GLIS3: variants seen among roughly 807,000 people sequenced by gnomAD.
The protein encoded by GLIS3 is GLIS family zinc finger 3.
Under a neutral mutation model 78.6 loss-of-function variants are expected in GLIS3, and 53 were observed. That is an observed-to-expected ratio of 0.67 (90% CI 0.54 to 0.85). The LOEUF is 0.85. GLIS3 is among the 40% of genes least tolerant of loss of function. GLIS3 has a pLI of 0.00. For synonymous variants in GLIS3, 684 were observed against 509.9 expected, an observed-to-expected ratio of 1.34 and a Z score of -4.60; for missense variants, 1,703 against 1,231.1, an observed-to-expected ratio of 1.38 and a Z score of -5.74.
chr9:3,921,845 A>G (rs1214700883), intron 6 of GLIS3, among the ~76,000 whole-genome samples: 1 of 152,088 alleles, frequency 6.6e-6, no homozygotes, highest in Non-Finnish European at 1.5e-5. Context: ...TGGTTAATAA[A>G]TTTTGAATAA....
the GLIS3 span, among the ~76,000 whole-genome samples, chr9:4,474,387 A>G: frequency 6.6e-6 from 1 of 152,194 alleles, no homozygotes; most frequent in Admixed American, 6.5e-5. Context: ...AGACGCAGAC[A>G]CACAAATAGA....
chr9:4,396,040 G>A, the GLIS3 span, among the ~76,000 whole-genome samples: 6 of 151,538 alleles, frequency 4.0e-5, no homozygotes, highest in East Asian at 1.9e-4. Context: ...CCAAAGTGCT[G>A]GGATTACAGG....
chr9:4,385,747 AAGAAAGAAAGAAAGAAAG>A, the GLIS3 span, among the ~76,000 whole-genome samples: 1 of 60,654 alleles, frequency 1.6e-5, no homozygotes. Context: ...AAAAGAAAGA[AAGAAAGAAAGAAAGAAAG>A]AAAGAAAGAA....
intron 7 of GLIS3, among the ~76,000 whole-genome samples, chr9:3,889,270 G>T (rs971195722): frequency 6.6e-6 from 1 of 152,154 alleles, no homozygotes; most frequent in African/African-American, 2.4e-5. Context: ...GCTTCTGCAG[G>T]TGTCTTCTTG....
At chr9:4,334,904 C>CTTTTTTTTT (rs56017714) in intron 2 of GLIS3, among the ~76,000 whole-genome samples, 1 of 107,018 alleles carries the variant, frequency 9.3e-6, no homozygotes, top group Admixed American at 1.2e-4. Context: ...TCATTTCCAC[C>CTTTTTTTTT]TTTTTTTTTT....
At chr9:4,300,907 T>C (rs552042696), upstream of GLIS3, among the ~76,000 whole-genome samples, 36 of 152,224 alleles carry the variant, frequency 2.4e-4, no homozygotes, top group African/African-American at 7.9e-4. Flanking sequence ...TTATTCACCA[T>C]CATGAATGAA....
chr9:4,005,833 G>C lies in GLIS3; in HGVS notation c.1711-68644C>G, dbSNP rs192250380. 5.2e-4 allele frequency among the ~76,000 whole-genome samples: 79 copies of C among 152,278 alleles called. 1 individual carries two copies. The East Asian group carries it at 0.014, about 27-fold the overall frequency. On this transcript the variant is annotated intron_variant, in intron 4 of 10. Transcript: ENST00000381971. ...ATCTACATGAGTGGCTTGCCCAGAAGAGAATGAAAAAACATTTGTTAGGCA... is the reference window on the plus strand; with the variant it reads ...ATCTACATGAGTGGCTTGCCCAGAACAGAATGAAAAAACATTTGTTAGGCA...
intron 4 of GLIS3, among the ~76,000 whole-genome samples, chr9:4,057,902 A>C (rs558934437): frequency 6.6e-6 from 1 of 152,294 alleles, no homozygotes; most frequent in Middle Eastern, 3.4e-3. Flanking sequence ...GATCTTTTTC[A>C]CATGTAAAAA....
At chr9:4,153,539 G>A (rs7867151) in intron 2 of GLIS3, among the ~76,000 whole-genome samples, 31,608 of 152,060 alleles carry the variant, frequency 0.21, 3,933 homozygotes, top group African/African-American at 0.34. Flanking sequence ...ACTCCAGCCT[G>A]GGCAACACAG....
the GLIS3 span, among the ~76,000 whole-genome samples, chr9:4,405,777 T>G: frequency 6.6e-6 from 1 of 151,198 alleles, no homozygotes; most frequent in Non-Finnish European, 1.5e-5. Context: ...AAAAAAAAAC[T>G]ACAGGTCAGT....
In GLIS3 at chr9:3,824,822, A is replaced by T. The variant is rs888688266; in HGVS notation, c.*3450T>A. On this transcript the variant is annotated 3_prime_UTR_variant, in exon 11 of 11. Coordinates refer to ENST00000381971, the MANE Select transcript of GLIS3 (RefSeq NM_001042413.2). Reference sequence around the variant, plus strand: ...TCCCCCAAAGTGCTTTATGTCAGCAACATTACACAGGATACTTTGCTGTCT... The same window carrying T: ...TCCCCCAAAGTGCTTTATGTCAGCATCATTACACAGGATACTTTGCTGTCT... 3.3e-5 allele frequency: 5 copies of T among 152,308 alleles called. No individual in the cohort carries two copies. The highest frequency in any genetic ancestry group is 1.2e-4 in the African/African-American group (5 of 41,338). The allele number at this position is 152,308 out of a possible 1,614,324, so 9.4% of individuals were successfully genotyped here.
chr9:4,205,751 C>G (rs1387661646), intron 2 of GLIS3, among the ~76,000 whole-genome samples: 1 of 152,168 alleles, frequency 6.6e-6, no homozygotes, highest in Non-Finnish European at 1.5e-5. Flanking sequence ...TTGTTTAAGC[C>G]AGTTAAAACT....
the GLIS3 span, among the ~76,000 whole-genome samples, chr9:4,436,677 G>A: frequency 6.6e-6 from 1 of 151,806 alleles, no homozygotes; most frequent in Non-Finnish European, 1.5e-5. Context: ...ATGGTGGCGG[G>A]CACCTATAAT....
chr9:3,832,687 C>A (rs1018739582), intron 9 of GLIS3, among the ~76,000 whole-genome samples: 4 of 152,192 alleles, frequency 2.6e-5, no homozygotes, highest in African/African-American at 9.7e-5. Flanking sequence ...TTAGCATAAA[C>A]CGCCATGGTT....
the GLIS3 span, among the ~76,000 whole-genome samples, chr9:4,383,073 T>C: frequency 2.6e-5 from 4 of 152,144 alleles, no homozygotes; most frequent in Non-Finnish European, 4.4e-5. Context: ...TACCAATAAC[T>C]TGGGTTTTCT....
chr9:3,964,982 G>A (rs956245138), intron 4 of GLIS3, among the ~76,000 whole-genome samples: 2 of 151,882 alleles, frequency 1.3e-5, no homozygotes, highest in African/African-American at 4.8e-5. Flanking sequence ...ACTTAGTTCC[G>A]TTAACTACCA....
At chr9:4,278,181 T>G (rs1045532295) in intron 2 of GLIS3, among the ~76,000 whole-genome samples, 4 of 152,182 alleles carry the variant, frequency 2.6e-5, no homozygotes, top group Non-Finnish European at 5.9e-5. Flanking sequence ...CTCAGTAATG[T>G]TGTATTTTAA....
chr9:3,956,070 T>A (rs1230205201), intron 4 of GLIS3, among the ~76,000 whole-genome samples: 1 of 150,976 alleles, frequency 6.6e-6, no homozygotes, highest in Non-Finnish European at 1.5e-5. Context: ...AGAAAAGAAT[T>A]CTTCATCCGT....
the GLIS3 span, among the ~76,000 whole-genome samples, chr9:4,366,602 G>A: frequency 2.0e-5 from 3 of 152,188 alleles, no homozygotes; most frequent in Non-Finnish European, 4.4e-5. Context: ...CATTCTGGAG[G>A]AACACAAACG....
Sources: gnomAD v4.1 joint callset for allele counts (sites outside exome capture counted in the v4.1 genomes callset) on GRCh38, gnomAD v4.1.1 for gene constraint, MANE v1.5 for transcripts, NCBI Gene and HGNC (gene_info 2026-07-23, HGNC 2026-07-21) for gene names.